The following CACNA2D3 variants were observed in gnomAD, a reference collection of about 807,000 sequenced individuals.
The protein encoded by CACNA2D3 is voltage-dependent calcium channel subunit alpha-2/delta-3.
CACNA2D3 carries 60 observed loss-of-function variants against 160.6 expected under a neutral mutation model. That is an observed-to-expected ratio of 0.37 (90% CI 0.30 to 0.46). CACNA2D3 has a LOEUF of 0.46. CACNA2D3 is among the 20% of genes least tolerant of loss of function. CACNA2D3 has a pLI of 1.00. For synonymous variants in CACNA2D3, 558 were observed against 492.9 expected (o/e 1.13, Z -1.75); for missense variants, 1,205 against 1,365.0 (o/e 0.88, Z 1.85).
chr3:54,769,086 C>G lies in CACNA2D3; in HGVS notation c.1380+4735C>G, dbSNP rs185206674. ...CTCCTTATGTGGACCTGGATTCTGC[C>G]AGGACACGAACAAACAAACAACAAC... On this transcript the variant is annotated intron_variant, in intron 13 of 37. Coordinates refer to ENST00000474759, the MANE Select transcript of CACNA2D3 (RefSeq NM_018398.3). Among the ~76,000 whole-genome samples, 80 of 152,180 alleles carry G rather than the reference C, an allele frequency of 5.3e-4. 1 individual carries two copies. In the Middle Eastern group the frequency reaches 0.01, roughly 19 times the overall value.
At chr3:54,217,964 G>C (rs978711889) in intron 2 of CACNA2D3, among the ~76,000 whole-genome samples, 1 of 151,886 alleles carries the variant, frequency 6.6e-6, no homozygotes, top group Non-Finnish European at 1.5e-5. Context: ...GTTGAGGGGG[G>C]TGTTTTAGAG....
intron 25 of CACNA2D3, among the ~76,000 whole-genome samples, chr3:54,891,651 C>G (rs576198479): frequency 6.6e-6 from 1 of 152,340 alleles, no homozygotes; most frequent in African/African-American, 2.4e-5. Context: ...TTCCACCACC[C>G]TTTGTTCCTC....
At chr3:54,156,188 C>T (rs988833523) in intron 2 of CACNA2D3, among the ~76,000 whole-genome samples, 3 of 152,082 alleles carry the variant, frequency 2.0e-5, no homozygotes, top group Non-Finnish European at 4.4e-5. Flanking sequence ...GGCAAACCTG[C>T]GAATCACCAG....
intron 37 of CACNA2D3, 110 bp from the exon 38 acceptor site, chr3:55,074,004 G>A: frequency 1.8e-6 from 2 of 1,105,288 alleles, no homozygotes; most frequent in Non-Finnish European, 2.7e-6. Flanking sequence ...CCATCATCTA[G>A]GTCCCAGAAG....
intron 5 of CACNA2D3, among the ~76,000 whole-genome samples, chr3:54,554,516 T>C (rs547597586): frequency 6.6e-6 from 1 of 152,008 alleles, no homozygotes; most frequent in African/African-American, 2.4e-5. Context: ...GGGTGGGGAG[T>C]TGGAGGCTTC....
At chr3:54,220,605 G>C (rs973630883) in intron 2 of CACNA2D3, among the ~76,000 whole-genome samples, 1 of 152,086 alleles carries the variant, frequency 6.6e-6, no homozygotes, top group African/African-American at 2.4e-5. Context: ...TGGAGCCTCA[G>C]CACCCCCACA....
intron 9 of CACNA2D3, among the ~76,000 whole-genome samples, chr3:54,617,120 A>G (rs1386449562): frequency 1.3e-5 from 2 of 152,118 alleles, no homozygotes; most frequent in African/African-American, 4.8e-5. Flanking sequence ...CTGCCCCCAC[A>G]TGCTGCTGCA....
chr3:54,660,133 C>A (rs900813316), intron 11 of CACNA2D3, among the ~76,000 whole-genome samples: 8 of 149,120 alleles, frequency 5.4e-5, no homozygotes, highest in Non-Finnish European at 7.4e-5. Context: ...AGAGAGGAGC[C>A]TTTTGGTTTC....
intron 2 of CACNA2D3, among the ~76,000 whole-genome samples, chr3:54,194,475 C>T (rs540546746): frequency 6.6e-6 from 1 of 152,156 alleles, no homozygotes; most frequent in Non-Finnish European, 1.5e-5. Context: ...TCCTGTCTCC[C>T]ACCTCCTTGT....
At chr3:54,441,669 A>G (rs1349393411) in intron 4 of CACNA2D3, among the ~76,000 whole-genome samples, 1 of 152,202 alleles carries the variant, frequency 6.6e-6, no homozygotes, top group East Asian at 1.9e-4. Flanking sequence ...ATTTTTGTAT[A>G]AGGTGTATAA....
chr3:54,231,546 A>T (rs1701770265), intron 2 of CACNA2D3, among the ~76,000 whole-genome samples: 1 of 152,226 alleles, frequency 6.6e-6, no homozygotes, highest in Admixed American at 6.5e-5. Context: ...CCTCATGAGC[A>T]TTAGGCTCAC....
At chr3:54,206,729 G>C (rs1196208500) in intron 2 of CACNA2D3, among the ~76,000 whole-genome samples, 2 of 152,006 alleles carry the variant, frequency 1.3e-5, no homozygotes, top group African/African-American at 2.4e-5. Context: ...TTTCCTTCCT[G>C]CATTTCCTTT....
chr3:54,539,379 T>C (rs1701935411), intron 5 of CACNA2D3, among the ~76,000 whole-genome samples: 1 of 152,238 alleles, frequency 6.6e-6, no homozygotes, highest in South Asian at 2.1e-4. Flanking sequence ...TGTTACTTCT[T>C]ATTCAAATGC....
chr3:54,688,371 T>C (rs1700508526), intron 11 of CACNA2D3, among the ~76,000 whole-genome samples: 1 of 152,144 alleles, frequency 6.6e-6, no homozygotes, highest in Non-Finnish European at 1.5e-5. Flanking sequence ...GTTACCTTTT[T>C]CACTTTCTCT....
intron 6 of CACNA2D3, among the ~76,000 whole-genome samples, chr3:54,564,779 G>A (rs968247086): frequency 6.6e-6 from 1 of 152,160 alleles, no homozygotes; most frequent in African/African-American, 2.4e-5. Context: ...TTCTTGTGGG[G>A]ACATGCATTT....
intron 4 of CACNA2D3, among the ~76,000 whole-genome samples, chr3:54,425,329 C>G (rs1034209541): frequency 6.6e-6 from 1 of 150,402 alleles, no homozygotes; most frequent in South Asian, 2.1e-4. Context: ...GAAACTCCAT[C>G]TCAAAACAAA....
At chr3:54,584,007 G>C (rs941085789) in intron 9 of CACNA2D3, among the ~76,000 whole-genome samples, 4 of 151,758 alleles carry the variant, frequency 2.6e-5, no homozygotes, top group Admixed American at 2.6e-4. Flanking sequence ...AATATCAACG[G>C]AACAACCAAT....
intron 11 of CACNA2D3, among the ~76,000 whole-genome samples, chr3:54,659,468 C>T (rs1699930513): frequency 6.6e-6 from 1 of 152,204 alleles, no homozygotes; most frequent in South Asian, 2.1e-4. Flanking sequence ...CTCCAAAGCC[C>T]ATACCTTTCA....
At chr3:54,366,528 C>T (rs927553689) in intron 3 of CACNA2D3, among the ~76,000 whole-genome samples, 1 of 152,178 alleles carries the variant, frequency 6.6e-6, no homozygotes, top group African/African-American at 2.4e-5. Flanking sequence ...CATTAGGATG[C>T]AAAGATTAGG....
Sources: allele counts gnomAD v4.1 joint callset (sites outside exome capture counted in the v4.1 genomes callset), GRCh38; gene constraint gnomAD v4.1.1; transcripts MANE v1.5; gene names NCBI Gene and HGNC (gene_info 2026-07-23, HGNC 2026-07-21).